GNAQ: variants seen among roughly 807,000 people sequenced by gnomAD.
GNAQ encodes the protein guanine nucleotide-binding protein G(q) subunit alpha.
In GNAQ, 8 loss-of-function variants were observed where a neutral mutation model predicts 43.9. The ratio of observed to expected loss-of-function variants is 0.18; its 90% CI spans 0.11 to 0.33. The LOEUF (loss-of-function observed/expected upper bound fraction) is 0.33. Among genes scored for constraint, GNAQ ranks in the 10% least tolerant of loss-of-function variants. The probability of loss-of-function intolerance (pLI) is 1.00; values close to 1 mark genes in which losing one functional copy is unlikely to be tolerated. For missense variants in GNAQ, 158 were observed against 450.8 expected, an observed-to-expected ratio of 0.35 and a Z score of 5.88; for synonymous variants, 155 against 170.7, an observed-to-expected ratio of 0.91 and a Z score of 0.71.
At chr9:77,980,585 G>C (rs1201587469) in intron 1 of GNAQ, among the ~76,000 whole-genome samples, 2 of 151,654 alleles carry the variant, frequency 1.3e-5, no homozygotes, top group Non-Finnish European at 2.9e-5. Context: ...AAGATATTTT[G>C]AAAAGCAACA....
intron 5 of GNAQ, among the ~76,000 whole-genome samples, chr9:77,793,976 CAAGATATT>C (rs1195677206): frequency 6.6e-6 from 1 of 152,050 alleles, no homozygotes; most frequent in Admixed American, 6.6e-5. Flanking sequence ...GCCGCATCAC[CAAGATATT>C]CCATGGTTCA....
intron 1 of GNAQ, among the ~76,000 whole-genome samples, chr9:77,972,233 A>G (rs1183950391): frequency 6.6e-6 from 1 of 152,226 alleles, no homozygotes; most frequent in Non-Finnish European, 1.5e-5. Context: ...AAAACCCAAG[A>G]GAAAAAACTA....
chr9:78,024,833 C>T (rs373258795), intron 1 of GNAQ, among the ~76,000 whole-genome samples: 21 of 151,382 alleles, frequency 1.4e-4, no homozygotes, highest in East Asian at 7.7e-4. Flanking sequence ...TTAAGTTATG[C>T]CTGGTTAAAA....
At chr9:77,932,542 G>A (rs1347255440) in intron 1 of GNAQ, among the ~76,000 whole-genome samples, 1 of 152,150 alleles carries the variant, frequency 6.6e-6, no homozygotes, top group African/African-American at 2.4e-5. Context: ...AAAATTAGAA[G>A]GAAACAGCAT....
chr9:78,017,642 T>C (rs1218130062), intron 1 of GNAQ, among the ~76,000 whole-genome samples: 1 of 152,212 alleles, frequency 6.6e-6, no homozygotes, highest in African/African-American at 2.4e-5. Context: ...ATGATTTTTA[T>C]TTTAAAACAG....
intron 2 of GNAQ, among the ~76,000 whole-genome samples, chr9:77,915,471 T>C (rs1442823116): frequency 6.6e-6 from 1 of 152,238 alleles, no homozygotes; most frequent in African/African-American, 2.4e-5. Flanking sequence ...GGAAGGTTAG[T>C]AGTATTCATT....
At chr9:77,819,891 T>TTCCACC (rs1228706404) in intron 2 of GNAQ, among the ~76,000 whole-genome samples, 1 of 151,768 alleles carries the variant, frequency 6.6e-6, no homozygotes, top group African/African-American at 2.4e-5. Context: ...GTAATTCCAC[T>TTCCACC]TCCACCCAGT....
chr9:77,887,719 TAA>T (rs998739986), intron 2 of GNAQ, among the ~76,000 whole-genome samples: 122 of 152,308 alleles, frequency 8.0e-4, no homozygotes, highest in African/African-American at 2.8e-3. Context: ...TTAGAAATAT[TAA>T]AAGACTATAA....
At position 77,853,521 on chromosome 9, in the gene GNAQ, T is replaced by C. The variant is rs190808733; in HGVS notation, c.322-37751A>G. ...AACCATTCACTATGAAAGAAAACCA[T>C]GGAAGCCATTCTCTTGACTAAGAAC... On this transcript the variant is annotated intron_variant, in intron 2 of 6. Coordinates refer to ENST00000286548, the MANE Select transcript of GNAQ (RefSeq NM_002072.5). Among the ~76,000 whole-genome samples the C allele has an allele frequency of 1.6e-3, 246 of 152,212 alleles. 5 individuals are homozygous for C. Among genetic ancestry groups the C allele is most frequent in the Admixed American group, 0.016 (242 of 15,288 alleles).
At chr9:77,848,324 A>G (rs1827618892) in intron 2 of GNAQ, among the ~76,000 whole-genome samples, 1 of 152,226 alleles carries the variant, frequency 6.6e-6, no homozygotes, top group Admixed American at 6.5e-5. Flanking sequence ...TCATAAGCCC[A>G]CTTGAATAGG....
chr9:77,831,005 A>C (rs1432627490), intron 2 of GNAQ, among the ~76,000 whole-genome samples: 1 of 152,246 alleles, frequency 6.6e-6, no homozygotes, highest in Non-Finnish European at 1.5e-5. Flanking sequence ...GTGAAGATGG[A>C]CACTTACTAG....
Position 77,827,352 on chromosome 9 carries a change from T to C in GNAQ, c.322-11582A>G, listed in dbSNP as rs745810079. Among the ~76,000 whole-genome samples the C allele has an allele frequency of 9.5e-5, 13 of 136,188 alleles. No individual in the cohort carries two copies. The East Asian group carries it at 1.7e-3, about 18-fold the overall frequency. 89.3% of individuals were successfully genotyped at this position (136,188 alleles called of 152,430 possible). ...GTGATTGGTGATGTAGCAATGGTCA[T>C]GAAATCAAACCAAATCCATGTTTAA... On this transcript the variant is annotated intron_variant, in intron 2 of 6. Coordinates refer to ENST00000286548, the MANE Select transcript of GNAQ (RefSeq NM_002072.5).
intron 5 of GNAQ, among the ~76,000 whole-genome samples, chr9:77,779,643 C>A (rs1826357372): frequency 1.3e-5 from 1 of 76,990 alleles, no homozygotes; most frequent in Non-Finnish European, 2.6e-5. Context: ...ATCAATAAAA[C>A]AAATACGCCT....
intron 2 of GNAQ, among the ~76,000 whole-genome samples, chr9:77,877,560 C>T (rs1381346418): frequency 1.2e-4 from 18 of 152,272 alleles, no homozygotes; most frequent in Non-Finnish European, 7.4e-5. Flanking sequence ...AAATGTATAT[C>T]TTCCACCAAA....
At chr9:77,739,538 G>A (rs991686339) in intron 5 of GNAQ, among the ~76,000 whole-genome samples, 2 of 152,166 alleles carry the variant, frequency 1.3e-5, no homozygotes, top group Non-Finnish European at 2.9e-5. Context: ...GATTAAAACA[G>A]CTTTGATATT....
At chr9:77,916,706 G>A (rs566247397) in intron 2 of GNAQ, among the ~76,000 whole-genome samples, 1 of 152,110 alleles carries the variant, frequency 6.6e-6, no homozygotes, top group Non-Finnish European at 1.5e-5. Flanking sequence ...TGCAGCCAAG[G>A]TGCTAAATAA....
At chr9:77,943,372 A>C (rs1829341475) in intron 1 of GNAQ, among the ~76,000 whole-genome samples, 1 of 152,224 alleles carries the variant, frequency 6.6e-6, no homozygotes, top group Non-Finnish European at 1.5e-5. Context: ...AATATGTTGT[A>C]ACAGATTTGC....
At chr9:77,898,215 G>A (rs942883842) in intron 2 of GNAQ, among the ~76,000 whole-genome samples, 1 of 152,206 alleles carries the variant, frequency 6.6e-6, no homozygotes. Context: ...GTTACTTAAT[G>A]CTAATAAAAG....
intron 2 of GNAQ, among the ~76,000 whole-genome samples, chr9:77,898,957 C>T (rs1354548389): frequency 6.6e-6 from 1 of 152,120 alleles, no homozygotes; most frequent in Non-Finnish European, 1.5e-5. Flanking sequence ...AGTTCTACTT[C>T]AATGTTTATT....
Sources: gnomAD v4.1 joint callset for allele counts (sites outside exome capture counted in the v4.1 genomes callset) on GRCh38, gnomAD v4.1.1 for gene constraint, MANE v1.5 for transcripts, NCBI Gene and HGNC (gene_info 2026-07-23, HGNC 2026-07-21) for gene names.